The following CEP170B variants were observed in gnomAD, a reference collection of about 807,000 sequenced individuals.
CEP170B encodes centrosomal protein 170B.
CEP170B carries 55 observed loss-of-function variants against 120.6 expected under a neutral mutation model. The ratio of observed to expected loss-of-function variants is 0.46; its 90% CI spans 0.37 to 0.57. The LOEUF (loss-of-function observed/expected upper bound fraction) is 0.57, where lower values mean the gene tolerates loss of function less well. Ranked by LOEUF, CEP170B falls within the 20% of genes least tolerant of loss-of-function variation. CEP170B has a pLI of 0.00. For synonymous variants in CEP170B, 1,033 were observed against 954.5 expected (o/e 1.08, Z -1.52); for missense variants, 2,212 against 2,253.3 (o/e 0.98, Z 0.37).
At chr14:104,881,152 G>A (rs1316321044) in intron 6 of CEP170B, among the ~76,000 whole-genome samples, 3 of 152,148 alleles carry the variant, frequency 2.0e-5, no homozygotes, top group Non-Finnish European at 2.9e-5. Flanking sequence ...CCTGATTTGC[G>A]CCTTTGGCAG....
At chr14:104,883,560 A>G (rs10145031) in intron 8 of CEP170B, 52 bp downstream of exon 8, 928,623 of 1,482,306 alleles carry the variant, frequency 0.63, 296,435 homozygotes, top group Middle Eastern at 0.73. Flanking sequence ...AGGGGACCGG[A>G]CTTTGGCTGG....
rs757791314 is a variant in CEP170B at position 104,893,548 on chromosome 14, G to C, written c.4064G>C (p.Ser1355Thr). The C allele has an allele frequency of 8.1e-6, 13 of 1,605,974 alleles. No homozygotes were observed. Among genetic ancestry groups the C allele is most frequent in the Non-Finnish European group, 1.1e-5 (13 of 1,177,554 alleles). ...EELVQRIPEA[S>T]LNFQKVPPGS... ...CTGGTGCAGCGCATCCCCGAGGCCA[G>C]CCTCAACTTCCAGAAGGTGCCGCCC... The change falls in exon 15 of 19, where the codon AGC becomes ACC. Residue 1355 changes from serine to threonine, a missense_variant. Coordinates refer to ENST00000414716, the MANE Select transcript of CEP170B (RefSeq NM_001112726.3).
At chr14:104,893,890 G>T (rs767414667) in intron 16 of CEP170B, 41 bp downstream of exon 16, 1 of 1,554,196 alleles carries the variant, frequency 6.4e-7, no homozygotes. Context: ...CCAGACACCA[G>T]CACAGCTGCA....
In CEP170B at chr14:104,887,902, T is replaced by C; in HGVS notation, c.3663T>C (p.Ala1221=). The change falls in exon 12 of 19, where the codon GCT becomes GCC. Residue 1221 remains alanine, a synonymous_variant. Coordinates refer to ENST00000414716, the MANE Select transcript of CEP170B (RefSeq NM_001112726.3). ...AAGCACGGGCTGTCTCCAGGAAGGC[T>C]GCCAACACAGCCACCACCACGGGTC... is the stretch of plus-strand genomic sequence containing the variant. ...MAEARAVSRK[A]ANTATTTGPR... The C allele has an allele frequency of 6.4e-7, 1 of 1,556,048 alleles. No individual in the cohort carries two copies. Among genetic ancestry groups the C allele is most frequent in the East Asian group, 2.4e-5 (1 of 42,258 alleles).
chr14:104,869,407 G>A (rs1035068571), intron 2 of CEP170B, among the ~76,000 whole-genome samples: 2 of 152,182 alleles, frequency 1.3e-5, no homozygotes, highest in Admixed American at 6.5e-5. Flanking sequence ...TGCTACTGCC[G>A]CACATGCCCG....
chr14:104,874,981 CCT>C (rs1429407778), intron 2 of CEP170B, among the ~76,000 whole-genome samples: 2 of 152,242 alleles, frequency 1.3e-5, no homozygotes, highest in Admixed American at 1.3e-4. Flanking sequence ...TGTGTGATCT[CCT>C]CTCTGAGTTA....
intron 14 of CEP170B, 71 bp from the exon 15 acceptor site, chr14:104,893,452 C>G (rs1896944276): frequency 6.5e-7 from 1 of 1,531,960 alleles, no homozygotes; most frequent in Non-Finnish European, 8.8e-7. Context: ...CGGGCCGGAG[C>G]AGGGAGGTGC....
chr14:104,875,192 C>G (rs910042679), intron 2 of CEP170B, among the ~76,000 whole-genome samples: 28 of 152,200 alleles, frequency 1.8e-4, no homozygotes, highest in African/African-American at 6.8e-4. Flanking sequence ...CGTGCTGGCA[C>G]TCAGGAGGGA....
At chr14:104,869,293 G>C (rs72700152) in intron 2 of CEP170B, among the ~76,000 whole-genome samples, 1 of 152,186 alleles carries the variant, frequency 6.6e-6, no homozygotes, top group African/African-American at 2.4e-5. Context: ...AGCGTGGCAC[G>C]TGGGCCCCTG....
chr14:104,874,033 C>T lies in CEP170B; in HGVS notation c.106-2223C>T, dbSNP rs76030080. On this transcript the variant is annotated intron_variant, in intron 2 of 18. Coordinates refer to ENST00000414716, the MANE Select transcript of CEP170B (RefSeq NM_001112726.3). ...CAGGCCTCCCAGCTTCCAGGCTGCA[C>T]TCTCAGGCAGGGATCCTGGGGCCTG... Among the ~76,000 whole-genome samples, 26 of 152,300 alleles carry T rather than the reference C, an allele frequency of 1.7e-4. No homozygotes were observed. In the East Asian group the frequency reaches 5.0e-3, roughly 29 times the overall value.
chr14:104,885,332 C>G, intron 9 of CEP170B, 37 bp from the exon 10 acceptor site: 2 of 1,514,306 alleles, frequency 1.3e-6, no homozygotes, highest in Non-Finnish European at 1.8e-6. Context: ...GTGGGCTTCT[C>G]TGACCCTCGG....
chr14:104,875,729 C>T (rs1244428429), intron 2 of CEP170B, among the ~76,000 whole-genome samples: 5 of 152,198 alleles, frequency 3.3e-5, no homozygotes, highest in Non-Finnish European at 7.3e-5. Context: ...ATTGGACGAC[C>T]GGGCTTGACC....
chr14:104,885,315 T>C, intron 9 of CEP170B, 54 bp from the exon 10 acceptor site: 1 of 1,487,128 alleles, frequency 6.7e-7, no homozygotes, highest in South Asian at 1.4e-5. Context: ...CAGTGGAGGG[T>C]TGGGAGGTGG....
rs763167310 is a variant in CEP170B at position 104,883,174 on chromosome 14, C to A, written c.717C>A (p.Pro239=). The change falls in exon 8 of 19, where the codon CCC becomes CCA. Residue 239 remains proline, a synonymous_variant. Coordinates refer to ENST00000414716, the MANE Select transcript of CEP170B (RefSeq NM_001112726.3). ...AGGAGACCCCGCAGCCGTCGCAGCC[C>A]CCCGAGGTGCCGGCACACGAGATGC... The part of the protein sequence containing the change: ...PTKETPQPSQ[P]PEVPAHEMPT... The A allele has an allele frequency of 1.9e-6, 3 of 1,606,336 alleles. No homozygotes were observed. In the South Asian group the frequency reaches 3.3e-5, roughly 18 times the overall value.
rs754917254 is a variant in CEP170B at position 104,887,832 on chromosome 14, G to T, written c.3593G>T (p.Arg1198Leu). ...CCTGCCCGCACCAGCTTCTCTGGCC[G>T]CAGTGTGGAGTTGTGCTGTGCCAGC... ...AAPARTSFSG[R>L]SVELCCASRK... The change falls in exon 12 of 19, where the codon CGC becomes CTC. Residue 1198 changes from arginine to leucine, a missense_variant. Transcript: ENST00000414716. The T allele has an allele frequency of 5.1e-6, 8 of 1,584,094 alleles. No individual in the cohort carries two copies. The highest frequency in any genetic ancestry group is 1.1e-5 in the South Asian group (1 of 87,620).
At position 104,883,894 on chromosome 14, in the gene CEP170B, C is replaced by T; in HGVS notation, c.1115C>T (p.Ala372Val). The T allele has an allele frequency of 6.3e-7, 1 of 1,586,456 alleles. No homozygotes were observed. Among genetic ancestry groups the T allele is most frequent in the Non-Finnish European group, 8.6e-7 (1 of 1,166,996 alleles). Residue 372 changes from alanine to valine, a missense_variant, in exon 9 of 19, where the codon GCC (alanine) becomes GTC (valine). By Grantham distance (64) the Ala-to-Val change is moderately conservative. Coordinates refer to ENST00000414716, the MANE Select transcript of CEP170B (RefSeq NM_001112726.3). ...SEDPLAKAASAAGVPLEASGE... is the reference protein window; with the variant it reads ...SEDPLAKAASVAGVPLEASGE... Reference sequence around the variant, plus strand: ...GACCCCCTGGCCAAGGCGGCCTCGGCCGCTGGGGTGCCCTTGGAGGCCAGC... The same window carrying T: ...GACCCCCTGGCCAAGGCGGCCTCGGTCGCTGGGGTGCCCTTGGAGGCCAGC...
At chr14:104,894,254 C>A (rs758531967) in intron 16 of CEP170B, 31 bp from the exon 17 acceptor site, 9 of 1,513,876 alleles carry the variant, frequency 5.9e-6, no homozygotes, top group Non-Finnish European at 8.3e-6. Context: ...GTCCTTGTCC[C>A]CCCATTTCTG....
At chr14:104,889,591 C>G (rs976072902) in intron 12 of CEP170B, 29 bp from the exon 13 acceptor site, 1 of 1,607,904 alleles carries the variant, frequency 6.2e-7, no homozygotes, top group Admixed American at 1.7e-5. Flanking sequence ...ACGGCTCCCC[C>G]AAACACACAC....
At chr14:104,877,836 A>ACCC in intron 3 of CEP170B, 49 bp from the exon 4 acceptor site, 2 of 237,068 alleles carry the variant, frequency 8.4e-6, no homozygotes, top group Non-Finnish European at 6.7e-6. Context: ...GCCCACAGCC[A>ACCC]CCCACCCGCG....
Sources: allele counts gnomAD v4.1 joint callset (sites outside exome capture counted in the v4.1 genomes callset), GRCh38; gene constraint gnomAD v4.1.1; transcripts MANE v1.5; gene names NCBI Gene and HGNC (gene_info 2026-07-23, HGNC 2026-07-21).